The following GLIS1 variants were observed in gnomAD, a reference collection of about 807,000 sequenced individuals.
The protein encoded by GLIS1 is zinc finger protein GLIS1.
In GLIS1, 24 loss-of-function variants were observed where a neutral mutation model predicts 63.8. The ratio of observed to expected loss-of-function variants is 0.38; its 90% CI spans 0.27 to 0.53. The LOEUF (loss-of-function observed/expected upper bound fraction) is 0.53. Among genes scored for constraint, GLIS1 ranks in the 20% least tolerant of loss-of-function variants. GLIS1 has a pLI of 0.85. For missense variants in GLIS1, 1,036 were observed against 1,074.1 expected (o/e 0.96, Z 0.50); for synonymous variants, 450 against 482.5 (o/e 0.93, Z 0.88).
Position 53,737,915 on chromosome 1 carries a change from C to A in GLIS1, c.150G>T (p.Pro50=), listed in dbSNP as rs1163870785. The change falls in exon 2 of 11, where the codon CCG becomes CCT. Residue 50 remains proline, a synonymous_variant. Transcript: ENST00000628545. The stretch of plus-strand genomic sequence containing the variant: ...CAGGCGGCCGGGCTAGCAGGTCCCG[C>A]GGGCCCCTGTCCCCGCAGCCGCCGC... ...VSGGGCGDRG[P]RDLLARPPAP... 3.7e-5 allele frequency: 45 copies of A among 1,230,110 alleles called. No homozygotes were observed. Among genetic ancestry groups the A allele is most frequent in the Non-Finnish European group, 4.4e-5 (43 of 986,922 alleles). The allele number at this position is 1,230,110 out of a possible 1,614,324, so 76.2% of individuals were successfully genotyped here.
At chr1:53,684,195 C>G (rs1557520388) in intron 2 of GLIS1, among the ~76,000 whole-genome samples, 1 of 152,072 alleles carries the variant, frequency 6.6e-6, no homozygotes, top group Non-Finnish European at 1.5e-5. Flanking sequence ...CTCCCCACCC[C>G]CAAGATCTCT....
intron 4 of GLIS1, among the ~76,000 whole-genome samples, chr1:53,556,010 GT>G (rs1644817928): frequency 1.5e-5 from 2 of 131,542 alleles, no homozygotes; most frequent in African/African-American, 2.9e-5. Context: ...TATACTGCAG[GT>G]GTGTGTGTGT....
At chr1:53,591,359 G>A (rs1250448259) in intron 4 of GLIS1, among the ~76,000 whole-genome samples, 1 of 152,142 alleles carries the variant, frequency 6.6e-6, no homozygotes, top group Non-Finnish European at 1.5e-5. Context: ...CCAGATCACT[G>A]CTGCTGTCTC....
chr1:53,731,270 A>G (rs1397549854), intron 2 of GLIS1, among the ~76,000 whole-genome samples: 1 of 152,214 alleles, frequency 6.6e-6, no homozygotes, highest in South Asian at 2.1e-4. Context: ...GTCACTGGGA[A>G]CATTCTCCTT....
At chr1:53,536,950 T>TA (rs1241451029) in intron 4 of GLIS1, among the ~76,000 whole-genome samples, 1 of 150,820 alleles carries the variant, frequency 6.6e-6, no homozygotes, top group African/African-American at 2.5e-5. Context: ...AGCAGAAGAT[T>TA]AAAAAAACGG....
chr1:53,527,912 C>T (rs956200025), intron 5 of GLIS1, among the ~76,000 whole-genome samples: 7 of 152,170 alleles, frequency 4.6e-5, no homozygotes, highest in Non-Finnish European at 7.3e-5. Flanking sequence ...TCTGTTCACA[C>T]ACCAAGTGGG....
At chr1:53,697,988 C>T (rs572208642) in intron 2 of GLIS1, among the ~76,000 whole-genome samples, 28 of 152,264 alleles carry the variant, frequency 1.8e-4, no homozygotes, top group African/African-American at 6.7e-4. Context: ...AAAGCCCTCA[C>T]GTTTGAAAAC....
At chr1:53,536,573 T>C (rs1005308423) in intron 4 of GLIS1, among the ~76,000 whole-genome samples, 1 of 152,080 alleles carries the variant, frequency 6.6e-6, no homozygotes, top group Admixed American at 6.5e-5. Context: ...AAGGGTGATG[T>C]CACTGGCTCC....
intron 2 of GLIS1, among the ~76,000 whole-genome samples, chr1:53,645,432 G>C (rs1224167081): frequency 1.3e-5 from 2 of 152,162 alleles, no homozygotes; most frequent in Non-Finnish European, 2.9e-5. Flanking sequence ...TGTAGTCACT[G>C]ATCAGTCCCC....
At chr1:53,513,646 C>G (rs1644320538) in intron 8 of GLIS1, among the ~76,000 whole-genome samples, 1 of 152,224 alleles carries the variant, frequency 6.6e-6, no homozygotes, top group African/African-American at 2.4e-5. Flanking sequence ...CCACTGGCCC[C>G]CTGTGTGGTA....
At chr1:53,659,185 G>C (rs992010957) in intron 2 of GLIS1, among the ~76,000 whole-genome samples, 1 of 152,192 alleles carries the variant, frequency 6.6e-6, no homozygotes, top group Non-Finnish European at 1.5e-5. Context: ...AGGCCAGGAA[G>C]GGAAGGAAAC....
chr1:53,738,706 C>T (rs995517226), intron 1 of GLIS1, among the ~76,000 whole-genome samples: 3 of 152,198 alleles, frequency 2.0e-5, no homozygotes, highest in Admixed American at 2.0e-4. Context: ...ACCCATCACG[C>T]GCAGCCGGGA....
At chr1:53,626,483 G>A (rs374165400) in intron 2 of GLIS1, among the ~76,000 whole-genome samples, 12 of 152,222 alleles carry the variant, frequency 7.9e-5, no homozygotes, top group Non-Finnish European at 1.6e-4. Context: ...GCTGGCCGTG[G>A]AGGCCCTCCC....
At chr1:53,609,129 A>C (rs1455867580) in intron 2 of GLIS1, among the ~76,000 whole-genome samples, 2 of 152,144 alleles carry the variant, frequency 1.3e-5, no homozygotes, top group Non-Finnish European at 1.5e-5. Flanking sequence ...CTTAAACCAA[A>C]AGCATCCTTA....
chr1:53,686,409 G>T (rs1646337852), intron 2 of GLIS1, among the ~76,000 whole-genome samples: 1 of 152,186 alleles, frequency 6.6e-6, no homozygotes, highest in Admixed American at 6.5e-5. Flanking sequence ...GTTCTCATCC[G>T]CAGTGCTTTC....
intron 2 of GLIS1, among the ~76,000 whole-genome samples, chr1:53,736,464 T>C (rs933395613): frequency 3.3e-5 from 5 of 152,136 alleles, no homozygotes; most frequent in Admixed American, 2.0e-4. Context: ...TAAGGGAGGA[T>C]TGTGTATGGA....
chr1:53,672,928 C>A (rs753089089), intron 2 of GLIS1, among the ~76,000 whole-genome samples: 1 of 152,248 alleles, frequency 6.6e-6, no homozygotes, highest in East Asian at 1.9e-4. Context: ...GGACTGGCTG[C>A]AGGGCTCAGG....
intron 4 of GLIS1, among the ~76,000 whole-genome samples, chr1:53,593,696 G>A (rs554036032): frequency 1.3e-5 from 2 of 152,328 alleles, no homozygotes; most frequent in South Asian, 2.1e-4. Context: ...GATGGGTGGT[G>A]GTGAGGGCCC....
chr1:53,521,342 AC>A (rs1335598645), intron 6 of GLIS1, among the ~76,000 whole-genome samples: 1 of 151,408 alleles, frequency 6.6e-6, no homozygotes, highest in East Asian at 2.0e-4. Flanking sequence ...GCCTCCCCCA[AC>A]CCCCCACCCA....
Sources: gnomAD v4.1 joint callset for allele counts (sites outside exome capture counted in the v4.1 genomes callset) on GRCh38, gnomAD v4.1.1 for gene constraint, MANE v1.5 for transcripts, NCBI Gene and HGNC (gene_info 2026-07-23, HGNC 2026-07-21) for gene names.